Variants in PKP2 observed in about 807,000 individuals in gnomAD.
PKP2 encodes plakophilin-2.
In PKP2, 73 loss-of-function variants were observed where a neutral mutation model predicts 83.4. The ratio of observed to expected loss-of-function variants is 0.88; its 90% CI spans 0.72 to 1.06. PKP2 has a LOEUF of 1.06. Ranked by LOEUF, PKP2 falls within the 50% of genes least tolerant of loss-of-function variation. The pLI is 0.00. For synonymous variants in PKP2, 409 were observed against 430.4 expected (o/e 0.95, Z 0.62); for missense variants, 966 against 1,065.4 (o/e 0.91, Z 1.30).
intron 1 of PKP2, among the ~76,000 whole-genome samples, chr12:32,889,654 A>G (rs182430448): frequency 1.4e-4 from 21 of 152,334 alleles, no homozygotes; most frequent in Non-Finnish European, 2.8e-4. Flanking sequence ...TGTGAGTATG[A>G]TAGTCACATA....
At chr12:32,808,487 C>G (rs1354053608) in intron 9 of PKP2, among the ~76,000 whole-genome samples, 1 of 152,120 alleles carries the variant, frequency 6.6e-6, no homozygotes, top group African/African-American at 2.4e-5. Context: ...TTTATCTCAG[C>G]GAAGTTTGTT....
chr12:32,820,873 T>C (rs1224755022), intron 9 of PKP2: 1 of 182,586 alleles, frequency 5.5e-6, no homozygotes, highest in African/African-American at 2.4e-5. Flanking sequence ...GGGAAAATGG[T>C]AGTTTGTTTC....
rs1233128620 is a variant in PKP2, at chr12:32,858,084, A to AAAATAT, written c.1171-7112_1171-7111insATATTT. Among the ~76,000 whole-genome samples, 4 of 67,026 alleles carry AAAATAT rather than the reference A, an allele frequency of 6.0e-5. No homozygotes were observed. The East Asian group carries it at 1.9e-3, about 32-fold the overall frequency. 44.0% of individuals were successfully genotyped at this position (67,026 alleles called of 152,430 possible). A position where few individuals can be genotyped will look rare whatever the true frequency, so the allele number is the denominator to read the frequency against. On this transcript the variant is annotated intron_variant, in intron 4 of 12. Coordinates refer to ENST00000340811, the MANE Select transcript of PKP2 (RefSeq NM_001005242.3). ...CTCTACAAAAAAAAAAAAAAAAAAA[A>AAAATAT]ATATATATATATATATATATATATA...
intron 9 of PKP2, among the ~76,000 whole-genome samples, chr12:32,804,094 C>T (rs1956204173): frequency 6.6e-6 from 1 of 152,162 alleles, no homozygotes; most frequent in Non-Finnish European, 1.5e-5. Flanking sequence ...TAGACAGCAA[C>T]AGACAACGGC....
At chr12:32,858,132 A>ATAT (rs1374052544) in intron 4 of PKP2, among the ~76,000 whole-genome samples, 63 of 98,272 alleles carry the variant, frequency 6.4e-4, no homozygotes, top group African/African-American at 2.5e-3. Flanking sequence ...TATATTTTAT[A>ATAT]TTTATATATA....
At chr12:32,825,597 T>C (rs1228055371) in intron 6 of PKP2, among the ~76,000 whole-genome samples, 3 of 152,212 alleles carry the variant, frequency 2.0e-5, no homozygotes, top group African/African-American at 7.2e-5. Flanking sequence ...TGAGCCTTAC[T>C]TTCTTCATCT....
At chr12:32,892,758 T>C (rs2137997511) in intron 1 of PKP2, among the ~76,000 whole-genome samples, 1 of 123,378 alleles carries the variant, frequency 8.1e-6, no homozygotes, top group East Asian at 2.5e-4. Context: ...CTGTCCTTTA[T>C]AAGTAGTAAA....
chr12:32,806,381 C>CA (rs1474207312), intron 9 of PKP2, among the ~76,000 whole-genome samples: 1 of 152,160 alleles, frequency 6.6e-6, no homozygotes, highest in Non-Finnish European at 1.5e-5. Context: ...ACTACTACCT[C>CA]AATTTTAGAA....
intron 3 of PKP2, among the ~76,000 whole-genome samples, chr12:32,872,707 T>A (rs527955088): frequency 6.6e-6 from 1 of 152,272 alleles, no homozygotes; most frequent in South Asian, 2.1e-4. Context: ...GGATAGCTCC[T>A]ACAAGTATTG....
At position 32,802,467 on chromosome 12, in the gene PKP2, C is replaced by T; in HGVS notation, c.2103G>A (p.Val701=). ...RKMLHVGDPS[V]KKTAISLLRN... Reference sequence around the variant, plus strand: ...TCAGCAGCGAGATGGCTGTCTTTTTCACACTTGGGTCACCAACATGCAGCA... The same window carrying T: ...TCAGCAGCGAGATGGCTGTCTTTTTTACACTTGGGTCACCAACATGCAGCA... The change falls in exon 10 of 13, where the codon GTG becomes GTA. Residue 701 remains valine (V), a synonymous_variant. Transcript: ENST00000340811. 2 of 1,614,118 alleles carry T rather than the reference C, an allele frequency of 1.2e-6. No individual in the cohort carries two copies. The highest frequency in any genetic ancestry group is 1.7e-6 in the Non-Finnish European group (2 of 1,179,998).
chr12:32,818,288 C>T (rs1352551413), intron 9 of PKP2, among the ~76,000 whole-genome samples: 1 of 152,070 alleles, frequency 6.6e-6, no homozygotes, highest in Non-Finnish European at 1.5e-5. Context: ...ATGGTGAAAC[C>T]CGTCTCTACT....
chr12:32,858,150 AT>A (rs1381301330), intron 4 of PKP2, among the ~76,000 whole-genome samples: 2 of 108,788 alleles, frequency 1.8e-5, no homozygotes, highest in East Asian at 2.1e-4. Context: ...ATATATATAT[AT>A]AAATATATAT....
rs548867976 is a variant in PKP2 at position 32,850,649 on chromosome 12, A to G, written c.1378+117T>C. The G allele has an allele frequency of 5.0e-5, 40 of 795,610 alleles. No homozygotes were observed. In the South Asian group the frequency reaches 5.6e-4, roughly 11 times the overall value. 49.3% of individuals were successfully genotyped at this position (795,610 alleles called of 1,614,324 possible). A position where few individuals can be genotyped will look rare whatever the true frequency, so the allele number is the denominator to read the frequency against. On this transcript the variant is annotated intron_variant, in intron 5 of 12. Transcript: ENST00000340811. ...ACAATGTTCCTTTAAAGCCTTCTCT[A>G]GCATAACAATGAGCCCATCAATCAT...
chr12:32,831,542 C>T lies in PKP2; in HGVS notation c.1557-7380G>A, dbSNP rs182274610. Among the ~76,000 whole-genome samples the T allele has an allele frequency of 9.9e-5, 15 of 152,220 alleles. No individual in the cohort carries two copies. In the East Asian group the frequency reaches 1.7e-3, roughly 18 times the overall value. ...CCCAAGACTCAACTCATAAGCTAACCGATTAAGAAAGCCCAGCAAAAAGAG... is the reference window on the plus strand; with the variant it reads ...CCCAAGACTCAACTCATAAGCTAACTGATTAAGAAAGCCCAGCAAAAAGAG... On this transcript the variant is annotated intron_variant, in intron 6 of 12. Coordinates refer to ENST00000340811, the MANE Select transcript of PKP2 (RefSeq NM_001005242.3).
intron 9 of PKP2, among the ~76,000 whole-genome samples, chr12:32,805,500 C>A (rs1956218956): frequency 6.6e-6 from 1 of 152,092 alleles, no homozygotes; most frequent in Admixed American, 6.6e-5. Context: ...AAGAAGGGGT[C>A]CAGTTTCAAT....
At chr12:32,825,162 C>CTTTTTTTTTT (rs10607965) in intron 6 of PKP2, among the ~76,000 whole-genome samples, 2 of 76,854 alleles carry the variant, frequency 2.6e-5, no homozygotes, top group African/African-American at 5.1e-5. Flanking sequence ...AGATCAGTTT[C>CTTTTTTTTTT]TTTTTTTTTT....
chr12:32,891,585 A>C (rs1957075538), intron 1 of PKP2, among the ~76,000 whole-genome samples: 1 of 152,212 alleles, frequency 6.6e-6, no homozygotes, highest in Non-Finnish European at 1.5e-5. Context: ...AGAATATTTA[A>C]TACAAAAGCT....
At chr12:32,834,867 T>C (rs1956530357) in intron 6 of PKP2, among the ~76,000 whole-genome samples, 1 of 151,260 alleles carries the variant, frequency 6.6e-6, no homozygotes, top group African/African-American at 2.4e-5. Context: ...ATCAGTGATG[T>C]AGAAAACAGA....
At chr12:32,832,135 T>C (rs1439069106) in intron 6 of PKP2, among the ~76,000 whole-genome samples, 3 of 152,124 alleles carry the variant, frequency 2.0e-5, no homozygotes, top group Non-Finnish European at 2.9e-5. Context: ...TCCCAGCACC[T>C]TGGGAGGCCA....
Sources: gnomAD v4.1 joint callset for allele counts (sites outside exome capture counted in the v4.1 genomes callset) on GRCh38, gnomAD v4.1.1 for gene constraint, MANE v1.5 for transcripts, NCBI Gene and HGNC (gene_info 2026-07-23, HGNC 2026-07-21) for gene names.